MSRB2: variants seen among roughly 807,000 people sequenced by gnomAD.
MSRB2 encodes the protein methionine sulfoxide reductase B2.
In MSRB2, 17 loss-of-function variants were observed where a neutral mutation model predicts 19.0. The ratio of observed to expected loss-of-function variants is 0.89; its 90% confidence interval spans 0.61 to 1.34. The LOEUF is 1.34. Ranked by LOEUF, MSRB2 falls within the 40% of genes most tolerant of loss-of-function variation. The pLI, the probability that MSRB2 is intolerant of heterozygous loss-of-function variation, is 0.00. For missense variants in MSRB2, 208 were observed against 237.6 expected (o/e 0.88, Z 0.82); for synonymous variants, 107 against 99.7 (o/e 1.07, Z -0.44).
At chr10:23,118,425 A>C (rs543720305) in intron 3 of MSRB2, among the ~76,000 whole-genome samples, 1 of 145,238 alleles carries the variant, frequency 6.9e-6, no homozygotes, top group Non-Finnish European at 1.5e-5. Flanking sequence ...TGCCACAGCA[A>C]TTTTTGAAGT....
At chr10:23,117,571 T>G (rs1182224201) in intron 3 of MSRB2, among the ~76,000 whole-genome samples, 1 of 152,208 alleles carries the variant, frequency 6.6e-6, no homozygotes, top group African/African-American at 2.4e-5. Flanking sequence ...GTTGAGCATC[T>G]CTACTCTGAA....
At chr10:23,118,941 T>G in intron 3 of MSRB2, 1 of 429,800 alleles carries the variant, frequency 2.3e-6, no homozygotes, top group South Asian at 1.7e-5. Flanking sequence ...CCTCCGAGCA[T>G]TAGTATTTCG....
chr10:23,120,660 C>A, intron 4 of MSRB2, 98 bp from the exon 5 acceptor site: 2 of 788,456 alleles, frequency 2.5e-6, no homozygotes, highest in Non-Finnish European at 4.1e-6. Context: ...AGATGTCAGA[C>A]TCCGGAGTGG....
chr10:23,104,679 G>A (rs1005408908), intron 2 of MSRB2, among the ~76,000 whole-genome samples: 12 of 152,132 alleles, frequency 7.9e-5, no homozygotes, highest in Admixed American at 7.9e-4. Context: ...AGTATGAGAT[G>A]GCTAATAAGG....
At chr10:23,119,596 T>C in intron 4 of MSRB2, 145 bp downstream of exon 4, 1 of 867,652 alleles carries the variant, frequency 1.2e-6, no homozygotes, top group Non-Finnish European at 1.7e-6. Context: ...TTTGTTTTGC[T>C]TTGTTTTGTT....
chr10:23,104,828 CCTT>C (rs1423844637), intron 2 of MSRB2, among the ~76,000 whole-genome samples: 1 of 152,118 alleles, frequency 6.6e-6, no homozygotes, highest in Non-Finnish European at 1.5e-5. Flanking sequence ...ACCCAGCTTT[CCTT>C]CTTCTCTCCC....
chr10:23,118,937 A>G (rs1237771074), intron 3 of MSRB2: 4 of 424,032 alleles, frequency 9.4e-6, no homozygotes, highest in Non-Finnish European at 1.4e-5. Flanking sequence ...ACTTCCTCCG[A>G]GCATTAGTAT....
rs148717281 is a variant in MSRB2 at position 23,111,377 on chromosome 10, T to C, written c.296+1059T>C. ...AGAGGTAGGATTTTGAGATGGCCCA[T>C]GAGCTTTCAGCCATAGAACCATGCT... is the stretch of plus-strand genomic sequence containing the variant. On this transcript the variant is annotated intron_variant, in intron 3 of 4. Transcript: ENST00000376510. Among the ~76,000 whole-genome samples the C allele has an allele frequency of 1.7e-3, 263 of 152,336 alleles. 3 individuals carry two copies. The highest frequency in any genetic ancestry group is 6.0e-3 in the African/African-American group (249 of 41,582).
chr10:23,095,725 A>G lies in MSRB2; in HGVS notation c.117A>G (p.Ala39=). Residue 39 remains alanine, a splice_region_variant and synonymous_variant, in exon 1 of 5, where the codon GCA becomes GCG. Transcript: ENST00000376510. Reference sequence around the variant, plus strand: ...GCACCGGGCCGGGACTGGGGGAGGCAGGTAGGACGCGGGTCCCGCAGGCCC... The same window carrying G: ...GCACCGGGCCGGGACTGGGGGAGGCGGGTAGGACGCGGGTCCCGCAGGCCC... The part of the protein sequence containing the change: ...GPGTGPGLGE[A]GSLATCELPL... The G allele has an allele frequency of 3.2e-6, 4 of 1,256,066 alleles. No homozygotes were observed. Among genetic ancestry groups the G allele is most frequent in the Non-Finnish European group, 4.0e-6 (4 of 1,003,172 alleles). The allele number at this position is 1,256,066 out of a possible 1,614,324, so 77.8% of individuals were successfully genotyped here. A position where few individuals can be genotyped will look rare whatever the true frequency, so the allele number is the denominator to read the frequency against.
intron 3 of MSRB2, among the ~76,000 whole-genome samples, chr10:23,112,798 G>C (rs558770535): frequency 6.6e-6 from 1 of 152,226 alleles, no homozygotes; most frequent in East Asian, 1.9e-4. Flanking sequence ...TAGCCAGGAT[G>C]GTCTTGATCT....
At chr10:23,099,589 C>T (rs565861729) in intron 1 of MSRB2, among the ~76,000 whole-genome samples, 22 of 152,284 alleles carry the variant, frequency 1.4e-4, no homozygotes, top group Non-Finnish European at 2.4e-4. Flanking sequence ...CACTGTGTCA[C>T]GCACCTGTAG....
At chr10:23,120,587 T>C (rs1840170431) in intron 4 of MSRB2, among the ~76,000 whole-genome samples, 171 bp from the exon 5 acceptor site, 1 of 152,212 alleles carries the variant, frequency 6.6e-6, no homozygotes, top group Non-Finnish European at 1.5e-5. Flanking sequence ...TTACCATGAC[T>C]GTGTTCTGCT....
chr10:23,096,673 C>T (rs1047626641), intron 1 of MSRB2, among the ~76,000 whole-genome samples: 2 of 152,156 alleles, frequency 1.3e-5, no homozygotes, highest in Non-Finnish European at 2.9e-5. Context: ...TGAAAGAATA[C>T]GTAACTAAAT....
At chr10:23,111,655 A>C (rs1840055409) in intron 3 of MSRB2, among the ~76,000 whole-genome samples, 1 of 152,190 alleles carries the variant, frequency 6.6e-6, no homozygotes, top group South Asian at 2.1e-4. Context: ...AGTCCAGAGC[A>C]GAAAGCTCTG....
intron 1 of MSRB2, 72 bp from the exon 2 acceptor site, chr10:23,104,071 GA>G: frequency 4.1e-5 from 51 of 1,254,838 alleles, no homozygotes; most frequent in Non-Finnish European, 4.1e-5. Context: ...TACACTTAGG[GA>G]AAAAGGTCAA....
chr10:23,097,450 G>A (rs1043908495), intron 1 of MSRB2, among the ~76,000 whole-genome samples: 40 of 152,188 alleles, frequency 2.6e-4, no homozygotes, highest in Non-Finnish European at 7.3e-5. Context: ...GCAGTTGACT[G>A]CCTTCTCACT....
chr10:23,110,125 G>C, intron 2 of MSRB2, 117 bp from the exon 3 acceptor site: 9 of 734,330 alleles, frequency 1.2e-5, no homozygotes, highest in Non-Finnish European at 2.1e-5. Context: ...TTTGCACTTC[G>C]TCAAATTAGT....
Position 23,104,165 on chromosome 10 carries a change from T to G in MSRB2, c.140T>G (p.Leu47Arg). 6.2e-7 allele frequency: 1 copy of G among 1,613,814 alleles called. No individual in the cohort carries two copies. The highest frequency in any genetic ancestry group is 2.2e-5 in the East Asian group (1 of 44,854). Residue 47 changes from leucine to arginine, a missense_variant, in exon 2 of 5, where the codon CTG (leucine) becomes CGG (arginine). Leu to Arg is a moderately radical substitution (Grantham distance 102, BLOSUM62 -2). Coordinates refer to ENST00000376510, the MANE Select transcript of MSRB2 (RefSeq NM_012228.4). ...ACAGGGTCTCTTGCAACGTGTGAGC[T>G]GCCTCTTGCCAAGAGTGAGTGGCAA... ...GEAGSLATCE[L>R]PLAKSEWQKK...
At chr10:23,111,348 G>C (rs1048118970) in intron 3 of MSRB2, among the ~76,000 whole-genome samples, 1 of 152,232 alleles carries the variant, frequency 6.6e-6, no homozygotes, top group Non-Finnish European at 1.5e-5. Flanking sequence ...TTGTGTTAAA[G>C]AGGAGAGGTA....
Sources: gnomAD v4.1 joint callset for allele counts (sites outside exome capture counted in the v4.1 genomes callset) on GRCh38, gnomAD v4.1.1 for gene constraint, MANE v1.5 for transcripts, NCBI Gene and HGNC (gene_info 2026-07-23, HGNC 2026-07-21) for gene names.